Variants in KCNQ1OT1 observed in about 807,000 individuals in gnomAD.
KCNQ1OT1 encodes the protein KCNQ1 antisense RNA 2 (non-protein coding).
Position 2,661,802 on chromosome 11 carries a change from C to A in KCNQ1OT1, n.38193G>T. On this transcript the variant is annotated non_coding_transcript_exon_variant, in exon 1 of 1. Coordinates refer to ENST00000597346, the Ensembl canonical transcript of KCNQ1OT1. This position sits in a 1 kb window ranked among gnomAD's most constrained non-coding sequence, Gnocchi z 5.9. ...ACTTTGGGGCCATCTTAAACACCCA[C>A]CCACCCCAACACCCAACTATAAAAC... 2 of 826,964 alleles carry A rather than the reference C, an allele frequency of 2.4e-6. No individual in the cohort carries two copies. Among genetic ancestry groups the A allele is most frequent in the Non-Finnish European group, 4.0e-6 (2 of 505,918 alleles). 51.2% of individuals were successfully genotyped at this position (826,964 alleles called of 1,614,324 possible). A position where few individuals can be genotyped will look rare whatever the true frequency, so the allele number is the denominator to read the frequency against.
Position 2,683,220 on chromosome 11 carries a change from G to A in KCNQ1OT1, n.16775C>T. 2.5e-6 allele frequency: 1 copy of A among 398,656 alleles called. No homozygotes were observed. Among genetic ancestry groups the A allele is most frequent in the Non-Finnish European group, 4.4e-6 (1 of 226,090 alleles). The allele number at this position is 398,656 out of a possible 1,614,324, so 24.7% of individuals were successfully genotyped here. A position where few individuals can be genotyped will look rare whatever the true frequency, so the allele number is the denominator to read the frequency against. On this transcript the variant is annotated non_coding_transcript_exon_variant, in exon 1 of 1. Transcript: ENST00000597346. This position sits in a 1 kb window ranked among gnomAD's most constrained non-coding sequence, Gnocchi z 4.7. ...GCTCATGCATTGTGATGGAACTAGA[G>A]GTGAGATACAGAGCAGGAGTCCATG...
chr11:2,642,955 T>C lies in KCNQ1OT1; in HGVS notation n.57040A>G. 1 of 397,996 alleles carries C rather than the reference T, an allele frequency of 2.5e-6. No homozygotes were observed. The highest frequency in any genetic ancestry group is 2.1e-5 in the African/African-American group (1 of 48,738). The allele number at this position is 397,996 out of a possible 1,614,324, so 24.7% of individuals were successfully genotyped here. ...TCAGGAACATGTTAATTTCCATTTA[T>C]TTATACAGTTTTGAATGCTCCTCTT... On this transcript the variant is annotated non_coding_transcript_exon_variant, in exon 1 of 1. Coordinates refer to ENST00000597346, the Ensembl canonical transcript of KCNQ1OT1. The surrounding 1 kb of genome is among the most constrained non-coding windows in gnomAD (Gnocchi z 4.3).
exon 1 of KCNQ1OT1, chr11:2,680,781 A>G (rs1850383982): frequency 6.7e-6 from 1 of 148,760 alleles, no homozygotes; most frequent in Non-Finnish European, 1.3e-5. Context: ...TCATTTCTTT[A>G]TCATTCCAAG....
Position 2,663,506 on chromosome 11 carries a change from G to A in KCNQ1OT1, n.36489C>T, listed in dbSNP as rs1190963064. The stretch of plus-strand genomic sequence containing the variant: ...GTGTGCAATACAGGTGGCAGTGCCT[G>A]TATTGCCTCTTGGCTGTCCCCTCAG... On this transcript the variant is annotated non_coding_transcript_exon_variant, in exon 1 of 1. Coordinates refer to ENST00000597346, the Ensembl canonical transcript of KCNQ1OT1. This position sits in a 1 kb window ranked among gnomAD's most constrained non-coding sequence, Gnocchi z 5.2. 2.5e-6 allele frequency: 1 copy of A among 398,672 alleles called. No individual in the cohort carries two copies. The highest frequency in any genetic ancestry group is 4.4e-6 in the Non-Finnish European group (1 of 226,098). The allele number at this position is 398,672 out of a possible 1,614,324, so 24.7% of individuals were successfully genotyped here.
Position 2,652,268 on chromosome 11 carries a change from A to T in KCNQ1OT1, n.47727T>A, listed in dbSNP as rs1010716225. 5 of 398,524 alleles carry T rather than the reference A, an allele frequency of 1.3e-5. No individual in the cohort carries two copies. The highest frequency in any genetic ancestry group is 1.0e-4 in the African/African-American group (5 of 48,644). 24.7% of individuals were successfully genotyped at this position (398,524 alleles called of 1,614,324 possible). A position where few individuals can be genotyped will look rare whatever the true frequency, so the allele number is the denominator to read the frequency against. Reference sequence around the variant, plus strand: ...TTTCCCCATTAAACATTCTGAGAACATCTGCACCGGTTTCCAAGGCTTCTC... The same window carrying T: ...TTTCCCCATTAAACATTCTGAGAACTTCTGCACCGGTTTCCAAGGCTTCTC... On this transcript the variant is annotated non_coding_transcript_exon_variant, in exon 1 of 1. Transcript: ENST00000597346. This position sits in a 1 kb window ranked among gnomAD's most constrained non-coding sequence, Gnocchi z 5.9.
chr11:2,692,253 G>A (rs1235114164), exon 1 of KCNQ1OT1: 1 of 398,842 alleles, frequency 2.5e-6, no homozygotes, highest in Non-Finnish European at 4.4e-6. Flanking sequence ...CCATCACCAA[G>A]CCAGGCTTAC....
In KCNQ1OT1 at chr11:2,642,461, A is replaced by G. The variant is rs538655578; in HGVS notation, n.57534T>C. ...TTTTTAAATCCTGTAACTGTAATCA[A>G]TTTATTGATCAGACTGAAGAGTTTT... is the stretch of plus-strand genomic sequence containing the variant. On this transcript the variant is annotated non_coding_transcript_exon_variant, in exon 1 of 1. Coordinates refer to ENST00000597346, the Ensembl canonical transcript of KCNQ1OT1. This position sits in a 1 kb window ranked among gnomAD's most constrained non-coding sequence, Gnocchi z 4.3. 5.0e-6 allele frequency: 2 copies of G among 398,076 alleles called. No individual in the cohort carries two copies. The highest frequency in any genetic ancestry group is 4.1e-5 in the African/African-American group (2 of 48,718). The allele number at this position is 398,076 out of a possible 1,614,324, so 24.7% of individuals were successfully genotyped here. A position where few individuals can be genotyped will look rare whatever the true frequency, so the allele number is the denominator to read the frequency against.
exon 1 of KCNQ1OT1, chr11:2,655,648 C>T: frequency 2.5e-6 from 1 of 398,696 alleles, no homozygotes; most frequent in Non-Finnish European, 4.4e-6. Flanking sequence ...AGAGGCAGCA[C>T]CAGTGTGTCT....
chr11:2,662,116 G>C (rs1241875848), exon 1 of KCNQ1OT1: 1 of 1,613,588 alleles, frequency 6.2e-7, no homozygotes, highest in Non-Finnish European at 8.5e-7. Flanking sequence ...GGCTGGGCTG[G>C]AGGGGACTGG....
At position 2,698,888 on chromosome 11, in the gene KCNQ1OT1, C is replaced by T. The variant is rs912664076; in HGVS notation, n.1107G>A. Reference sequence around the variant, plus strand: ...GACTGGGACCCCAACTACTCAGATCCCAACTCAGGCAAACTCCCAGCCAGG... The same window carrying T: ...GACTGGGACCCCAACTACTCAGATCTCAACTCAGGCAAACTCCCAGCCAGG... On this transcript the variant is annotated non_coding_transcript_exon_variant, in exon 1 of 1. Transcript: ENST00000597346. This position sits in a 1 kb window ranked among gnomAD's most constrained non-coding sequence, Gnocchi z 5.1. 29 of 398,788 alleles carry T rather than the reference C, an allele frequency of 7.3e-5. No homozygotes were observed. The highest frequency in any genetic ancestry group is 5.9e-4 in the African/African-American group (29 of 48,744). 24.7% of individuals were successfully genotyped at this position (398,788 alleles called of 1,614,324 possible). A position where few individuals can be genotyped will look rare whatever the true frequency, so the allele number is the denominator to read the frequency against.
exon 1 of KCNQ1OT1, chr11:2,635,431 A>T (rs1340725312): frequency 1.3e-5 from 2 of 152,172 alleles, no homozygotes; most frequent in African/African-American, 2.4e-5. Flanking sequence ...CCATTTATTA[A>T]ATAGGGAATC....
At position 2,691,536 on chromosome 11, in the gene KCNQ1OT1, G is replaced by A; in HGVS notation, n.8459C>T. ...GCTTGGCTTTGCATTAAAGTTGGGG[G>A]GATTTCTCTATCCTGAGGTTATGAA... On this transcript the variant is annotated non_coding_transcript_exon_variant, in exon 1 of 1. Transcript: ENST00000597346. The surrounding 1 kb of genome is among the most constrained non-coding windows in gnomAD (Gnocchi z 6.4). 5.0e-6 allele frequency: 2 copies of A among 398,552 alleles called. No individual in the cohort carries two copies. The highest frequency in any genetic ancestry group is 3.6e-5 in the East Asian group (1 of 28,064). The allele number at this position is 398,552 out of a possible 1,614,324, so 24.7% of individuals were successfully genotyped here.
In KCNQ1OT1 at chr11:2,673,963, G is replaced by T. The variant is rs1850237581; in HGVS notation, n.26032C>A. 7.3e-6 allele frequency: 2 copies of T among 274,310 alleles called. No individual in the cohort carries two copies. The highest frequency in any genetic ancestry group is 1.6e-4 in the South Asian group (1 of 6,252). The allele number at this position is 274,310 out of a possible 1,614,324, so 17.0% of individuals were successfully genotyped here. On this transcript the variant is annotated non_coding_transcript_exon_variant, in exon 1 of 1. Coordinates refer to ENST00000597346, the Ensembl canonical transcript of KCNQ1OT1. The surrounding 1 kb of genome is among the most constrained non-coding windows in gnomAD (Gnocchi z 4.5). Reference sequence around the variant, plus strand: ...TCCCCATGAGTGACAGCAGCCACAAGGGGATGCCCAGCATTGGGGGTGGGG... The same window carrying T: ...TCCCCATGAGTGACAGCAGCCACAATGGGATGCCCAGCATTGGGGGTGGGG...
At position 2,627,452 on chromosome 11, in the gene KCNQ1OT1, A is replaced by G. The variant is rs1297404163; in HGVS notation, n.72543T>C. 5.0e-6 allele frequency: 2 copies of G among 398,144 alleles called. No homozygotes were observed. Among genetic ancestry groups the G allele is most frequent in the Non-Finnish European group, 8.9e-6 (2 of 225,982 alleles). 24.7% of individuals were successfully genotyped at this position (398,144 alleles called of 1,614,324 possible). ...ATGTTTGTACCCTTCAACATTTCCT[A>G]TTTCCCCTACTCCCTGACCCCTAGT... On this transcript the variant is annotated non_coding_transcript_exon_variant, in exon 1 of 1. Coordinates refer to ENST00000597346, the Ensembl canonical transcript of KCNQ1OT1. This position sits in a 1 kb window ranked among gnomAD's most constrained non-coding sequence, Gnocchi z 4.9.
Position 2,687,804 on chromosome 11 carries a change from C to T in KCNQ1OT1, n.12191G>A, listed in dbSNP as rs1850516660. The T allele has an allele frequency of 2.5e-6, 1 of 398,730 alleles. No homozygotes were observed. Among genetic ancestry groups the T allele is most frequent in the African/African-American group, 2.1e-5 (1 of 48,746 alleles). The allele number at this position is 398,730 out of a possible 1,614,324, so 24.7% of individuals were successfully genotyped here. On this transcript the variant is annotated non_coding_transcript_exon_variant, in exon 1 of 1. Coordinates refer to ENST00000597346, the Ensembl canonical transcript of KCNQ1OT1. This position sits in a 1 kb window ranked among gnomAD's most constrained non-coding sequence, Gnocchi z 5.0. Reference sequence around the variant, plus strand: ...CACACCCCTAAGCCACCCAGCCTGGCCCCCCTCCTCTGCCCCAACTGGCTC... The same window carrying T: ...CACACCCCTAAGCCACCCAGCCTGGTCCCCCTCCTCTGCCCCAACTGGCTC...
At position 2,621,293 on chromosome 11, in the gene KCNQ1OT1, C is replaced by A; in HGVS notation, n.78702G>T. The A allele has an allele frequency of 2.5e-6, 1 of 398,422 alleles. No homozygotes were observed. Among genetic ancestry groups the A allele is most frequent in the South Asian group, 1.3e-4 (1 of 7,832 alleles). The allele number at this position is 398,422 out of a possible 1,614,324, so 24.7% of individuals were successfully genotyped here. A position where few individuals can be genotyped will look rare whatever the true frequency, so the allele number is the denominator to read the frequency against. On this transcript the variant is annotated non_coding_transcript_exon_variant, in exon 1 of 1. Transcript: ENST00000597346. This position sits in a 1 kb window ranked among gnomAD's most constrained non-coding sequence, Gnocchi z 5.7. ...GTGCCTGGCCTCATTATTTGCATTT[C>A]TGATTATTAGTGATCATGAGAATGT... is the stretch of plus-strand genomic sequence containing the variant.
chr11:2,649,887 G>A (rs1248842075), exon 1 of KCNQ1OT1: 13 of 398,156 alleles, frequency 3.3e-5, no homozygotes, highest in Non-Finnish European at 5.8e-5. Context: ...TAGATTTTCT[G>A]GTCCTTATCC....
Position 2,687,990 on chromosome 11 carries a change from C to T in KCNQ1OT1, n.12005G>A. ...GCTTCCTGCTTCCCTTTGATGTCTC[C>T]TCGTGCGAGGGAGGGGTCAGCACCC... On this transcript the variant is annotated non_coding_transcript_exon_variant, in exon 1 of 1. Transcript: ENST00000597346. The surrounding 1 kb of genome is among the most constrained non-coding windows in gnomAD (Gnocchi z 5.0). 2.5e-6 allele frequency: 1 copy of T among 398,742 alleles called. No homozygotes were observed. The highest frequency in any genetic ancestry group is 4.4e-6 in the Non-Finnish European group (1 of 226,152). 24.7% of individuals were successfully genotyped at this position (398,742 alleles called of 1,614,324 possible).
exon 1 of KCNQ1OT1, chr11:2,692,536 G>C: frequency 2.5e-6 from 1 of 398,786 alleles, no homozygotes. Context: ...TACCACCAGA[G>C]GGCCCTTGGC....
Sources: gnomAD v4.1 joint callset for allele counts on GRCh38, gnomAD v4.1.1 for gene constraint, Gnocchi (gnomAD v3.1) non-coding constraint, MANE v1.5 for transcripts, NCBI Gene and HGNC (gene_info 2026-07-23, HGNC 2026-07-21) for gene names.